The following NRG2 variants were observed in gnomAD, a reference collection of about 807,000 sequenced individuals.
NRG2 encodes pro-neuregulin-2, membrane-bound isoform.
Under a neutral mutation model 73.9 loss-of-function variants are expected in NRG2, and 27 were observed. The observed-to-expected ratio is 0.37, with a 90% confidence interval of 0.27 to 0.50. The LOEUF is 0.50. Ranked by LOEUF, NRG2 falls within the 20% of genes least tolerant of loss-of-function variation. The pLI is 0.96. For missense variants in NRG2, 1,126 were observed against 1,210.1 expected (o/e 0.93, Z 1.03); for synonymous variants, 532 against 541.0 (o/e 0.98, Z 0.23).
At chr5:139,922,758 AT>A (rs1751766474) in intron 1 of NRG2, among the ~76,000 whole-genome samples, 1 of 152,208 alleles carries the variant, frequency 6.6e-6, no homozygotes, top group Non-Finnish European at 1.5e-5. Context: ...ACAATGGAAT[AT>A]TATTCAGCAT....
At chr5:139,890,223 T>C (rs1008993414) in intron 1 of NRG2, among the ~76,000 whole-genome samples, 8 of 152,104 alleles carry the variant, frequency 5.3e-5, no homozygotes, top group African/African-American at 1.7e-4. Flanking sequence ...ATTTATTTGA[T>C]TACTGATGAG....
chr5:139,965,173 A>G (rs572916418), intron 1 of NRG2, among the ~76,000 whole-genome samples: 29 of 152,198 alleles, frequency 1.9e-4, no homozygotes, highest in Non-Finnish European at 4.0e-4. Flanking sequence ...CCCTAGGCAC[A>G]GTTGTCACAT....
chr5:139,862,543 C>T (rs1045525274), intron 5 of NRG2, among the ~76,000 whole-genome samples: 1 of 152,262 alleles, frequency 6.6e-6, no homozygotes, highest in Non-Finnish European at 1.5e-5. Flanking sequence ...GCTGGACTCC[C>T]AACAGGGCTG....
intron 1 of NRG2, among the ~76,000 whole-genome samples, chr5:139,888,317 T>C (rs1764004076): frequency 6.6e-6 from 1 of 152,108 alleles, no homozygotes; most frequent in African/African-American, 2.4e-5. Flanking sequence ...ATGGTGCAGA[T>C]GAGACTCAGA....
intron 1 of NRG2, among the ~76,000 whole-genome samples, chr5:139,995,361 C>G (rs1272958533): frequency 6.6e-6 from 1 of 152,108 alleles, no homozygotes; most frequent in African/African-American, 2.4e-5. Flanking sequence ...ATTAGATAGA[C>G]AGTGGGCAGC....
At chr5:139,922,662 C>A (rs2126326667) in intron 1 of NRG2, among the ~76,000 whole-genome samples, 1 of 152,304 alleles carries the variant, frequency 6.6e-6, no homozygotes, top group Non-Finnish European at 1.5e-5. Context: ...ATGTTTATAG[C>A]AGCTTCATAC....
intron 1 of NRG2, among the ~76,000 whole-genome samples, chr5:139,966,183 G>A (rs72796724): frequency 0.026 from 4,001 of 152,150 alleles, 71 homozygotes; most frequent in Middle Eastern, 0.061. Flanking sequence ...CATTGCCAAC[G>A]AAACACAGGA....
chr5:139,965,352 A>G (rs1755419224), intron 1 of NRG2, among the ~76,000 whole-genome samples: 1 of 152,230 alleles, frequency 6.6e-6, no homozygotes, highest in South Asian at 2.1e-4. Flanking sequence ...AGGTTTTCCA[A>G]GAAGGCAAAC....
At chr5:139,998,729 T>C (rs1221018391) in intron 1 of NRG2, among the ~76,000 whole-genome samples, 2 of 147,622 alleles carry the variant, frequency 1.4e-5, no homozygotes, top group African/African-American at 2.5e-5. Flanking sequence ...ATGTTGTAAT[T>C]GGCTAAAAAC....
At chr5:139,859,542 G>A (rs1334200156) in intron 5 of NRG2, among the ~76,000 whole-genome samples, 5 of 152,152 alleles carry the variant, frequency 3.3e-5, no homozygotes, top group African/African-American at 9.7e-5. Flanking sequence ...GTTCACACAT[G>A]GGGCCTATCT....
In NRG2 at chr5:139,851,159, G is replaced by C. The variant is rs1761389885; in HGVS notation, c.1772+445C>G. On this transcript the variant is annotated intron_variant, in intron 9 of 9. Transcript: ENST00000361474. The surrounding 1 kb of genome is among the most constrained non-coding windows in gnomAD (Gnocchi z 4.2). ...GTGCCACCATGCCTGGCTAATTTTT[G>C]TATTTTTAGTAAAGATGGGGGTTTC... Among the ~76,000 whole-genome samples the C allele has an allele frequency of 6.6e-6, 1 of 151,914 alleles. No homozygotes were observed. Among genetic ancestry groups the C allele is most frequent in the Non-Finnish European group, 1.5e-5 (1 of 67,958 alleles).
intron 1 of NRG2, among the ~76,000 whole-genome samples, chr5:139,967,974 A>AAAATAAAT (rs58017535): frequency 0.08 from 11,568 of 144,406 alleles, 550 homozygotes; most frequent in African/African-American, 0.13. Context: ...ATAAAACATA[A>AAAATAAAT]AAATAAATAA....
chr5:139,988,945 T>C (rs1757373881), intron 1 of NRG2, among the ~76,000 whole-genome samples: 1 of 151,958 alleles, frequency 6.6e-6, no homozygotes. Flanking sequence ...CTAACACTGC[T>C]CTAAAACAAA....
chr5:140,031,220 T>TA (rs2126691046), intron 1 of NRG2, among the ~76,000 whole-genome samples: 2 of 152,288 alleles, frequency 1.3e-5, no homozygotes, highest in African/African-American at 4.8e-5. Context: ...AGAAGAGCAA[T>TA]TCTATCAGCA....
chr5:139,971,040 G>A (rs1755930753), intron 1 of NRG2, among the ~76,000 whole-genome samples: 1 of 152,084 alleles, frequency 6.6e-6, no homozygotes. Flanking sequence ...CCATCCTGGA[G>A]ACTATCCTGT....
chr5:139,910,988 A>G (rs1344086604), intron 1 of NRG2, among the ~76,000 whole-genome samples: 1 of 152,012 alleles, frequency 6.6e-6, no homozygotes, highest in Non-Finnish European at 1.5e-5. Context: ...GCATTGGCCG[A>G]AGAGAAGGTG....
chr5:139,944,361 C>T (rs920440041), intron 1 of NRG2, among the ~76,000 whole-genome samples: 4 of 152,158 alleles, frequency 2.6e-5, no homozygotes, highest in Non-Finnish European at 5.9e-5. Context: ...TTCCTCCTAT[C>T]TAGCTGTAAT....
intron 1 of NRG2, among the ~76,000 whole-genome samples, chr5:139,965,536 G>A (rs1375711868): frequency 6.6e-6 from 1 of 152,244 alleles, no homozygotes; most frequent in African/African-American, 2.4e-5. Flanking sequence ...CCACCACACA[G>A]CAGTGCTGCT....
At chr5:139,961,539 A>G (rs1053602922) in intron 1 of NRG2, among the ~76,000 whole-genome samples, 1 of 152,228 alleles carries the variant, frequency 6.6e-6, no homozygotes, top group African/African-American at 2.4e-5. Flanking sequence ...TCCCAGCGAC[A>G]GCAACCCCGT....
Sources: allele counts gnomAD v4.1 joint callset (sites outside exome capture counted in the v4.1 genomes callset), GRCh38; gene constraint gnomAD v4.1.1; non-coding constraint Gnocchi (gnomAD v3.1); transcripts MANE v1.5; gene names NCBI Gene and HGNC (gene_info 2026-07-23, HGNC 2026-07-21).